PPP2R5D: variants seen among roughly 807,000 people sequenced by gnomAD.
The protein encoded by PPP2R5D is protein phosphatase 2 regulatory subunit B'delta, also known as serine/threonine-protein phosphatase 2A 56 kDa regulatory subunit delta isoform.
PPP2R5D carries 12 observed loss-of-function variants against 79.1 expected under a neutral mutation model. The ratio of observed to expected loss-of-function variants is 0.15; its 90% confidence interval spans 0.10 to 0.25. The LOEUF is 0.25. PPP2R5D is among the 10% of genes least tolerant of loss of function. The pLI is 1.00. For synonymous variants in PPP2R5D, 277 were observed against 286.6 expected (o/e 0.97, Z 0.34); for missense variants, 419 against 760.2 (o/e 0.55, Z 5.28).
rs572491604 is a variant in PPP2R5D at position 43,010,382 on chromosome 6, G to A, written c.1380-86G>A. 1.0e-5 allele frequency: 11 copies of A among 1,051,412 alleles called. No homozygotes were observed. The highest frequency in any genetic ancestry group is 2.0e-4 in the Middle Eastern group (1 of 4,968). The allele number at this position is 1,051,412 out of a possible 1,614,324, so 65.1% of individuals were successfully genotyped here. ...AGTAAATGACAAAGCTCTTAGCAGAGATACCCCTGTGAGAGAACAAATTGG... is the reference window on the plus strand; with the variant it reads ...AGTAAATGACAAAGCTCTTAGCAGAAATACCCCTGTGAGAGAACAAATTGG... On this transcript the variant is annotated intron_variant, in intron 12 of 15. Transcript: ENST00000485511. This position sits in a 1 kb window ranked among gnomAD's most constrained non-coding sequence, Gnocchi z 4.7.
chr6:43,006,390 T>C lies in PPP2R5D; in HGVS notation c.106-73T>C, dbSNP rs1762079621. Reference sequence around the variant, plus strand: ...CAGGCCTGTGCAGGCATAAACAGACTTGGGGATGGCCAGGCCCAGGGTGGG... The same window carrying C: ...CAGGCCTGTGCAGGCATAAACAGACCTGGGGATGGCCAGGCCCAGGGTGGG... On this transcript the variant is annotated intron_variant, in intron 2 of 15. Transcript: ENST00000485511. This position sits in a 1 kb window ranked among gnomAD's most constrained non-coding sequence, Gnocchi z 4.7. The C allele has an allele frequency of 1.9e-6, 3 of 1,551,344 alleles. No homozygotes were observed. Among genetic ancestry groups the C allele is most frequent in the East Asian group, 2.4e-5 (1 of 42,474 alleles).
chr6:43,007,634 T>A lies in PPP2R5D; in HGVS notation c.726+128T>A. The A allele has an allele frequency of 1.0e-6, 1 of 991,468 alleles. No individual in the cohort carries two copies. The highest frequency in any genetic ancestry group is 1.5e-6 in the Non-Finnish European group (1 of 657,826). 61.4% of individuals were successfully genotyped at this position (991,468 alleles called of 1,614,324 possible). On this transcript the variant is annotated intron_variant, in intron 6 of 15. Transcript: ENST00000485511. This position sits in a 1 kb window ranked among gnomAD's most constrained non-coding sequence, Gnocchi z 4.5. ...ATCCATGTCTGGTACGAGGAGGCTA[T>A]AAAGGGTAAAAAACAAAACAAAACA... is the stretch of plus-strand genomic sequence containing the variant.
intron 2 of PPP2R5D, among the ~76,000 whole-genome samples, chr6:42,994,040 C>T (rs933580512): frequency 6.6e-6 from 1 of 152,204 alleles, no homozygotes; most frequent in African/African-American, 2.4e-5. Context: ...GGCACAGTGG[C>T]TCACGCCTGT....
chr6:43,010,688 G>C lies in PPP2R5D; in HGVS notation c.1506G>C (p.Arg502Ser). 6.2e-7 allele frequency: 1 copy of C among 1,614,032 alleles called. No individual in the cohort carries two copies. The highest frequency in any genetic ancestry group is 8.5e-7 in the Non-Finnish European group (1 of 1,179,918). Residue 502 changes from arginine to serine, a missense_variant, in exon 14 of 16, where the codon AGG becomes AGC. By Grantham distance (110) the Arg-to-Ser change is moderately radical (BLOSUM62 -1). This residue lies in a region of PPP2R5D where 196 missense variants were observed against 424.5 expected (regional missense o/e 0.46). Coordinates refer to ENST00000485511, the MANE Select transcript of PPP2R5D (RefSeq NM_006245.4). The surrounding 1 kb of genome is among the most constrained non-coding windows in gnomAD (Gnocchi z 4.7). ...GGGGCCGGTTCCGAATGAAGGAAAGGGAAGAGATGTGGCAAAAAATCGAGG... is the reference window on the plus strand; with the variant it reads ...GGGGCCGGTTCCGAATGAAGGAAAGCGAAGAGATGTGGCAAAAAATCGAGG... ...KQKGRFRMKE[R>S]EEMWQKIEEL...
intron 1 of PPP2R5D, among the ~76,000 whole-genome samples, chr6:42,987,147 TTAG>T (rs1561837089): frequency 6.6e-6 from 1 of 152,202 alleles, no homozygotes; most frequent in Non-Finnish European, 1.5e-5. Flanking sequence ...TGCAGAACAC[TTAG>T]TAGGCCACTT....
chr6:43,009,562 T>C lies in PPP2R5D; in HGVS notation c.1379+113T>C. 1 of 1,433,824 alleles carries C rather than the reference T, an allele frequency of 7.0e-7. No homozygotes were observed. Among genetic ancestry groups the C allele is most frequent in the Non-Finnish European group, 9.6e-7 (1 of 1,041,642 alleles). 88.8% of individuals were successfully genotyped at this position (1,433,824 alleles called of 1,614,324 possible). ...CTAGTCACCCAGCAAGTGGGGCTGA[T>C]GTCCCCTGCATGTTGATAGGACCTT... On this transcript the variant is annotated intron_variant, in intron 12 of 15. Coordinates refer to ENST00000485511, the MANE Select transcript of PPP2R5D (RefSeq NM_006245.4). The surrounding 1 kb of genome is among the most constrained non-coding windows in gnomAD (Gnocchi z 5.6).
chr6:42,993,258 T>C (rs1334246009), intron 2 of PPP2R5D, among the ~76,000 whole-genome samples: 2 of 151,132 alleles, frequency 1.3e-5, no homozygotes, highest in East Asian at 1.9e-4. Context: ...TATTGCACCA[T>C]TGCAACCCAG....
chr6:43,012,240 C>T lies in PPP2R5D; in HGVS notation c.*954C>T. On this transcript the variant is annotated 3_prime_UTR_variant, in exon 16 of 16. Coordinates refer to ENST00000485511, the MANE Select transcript of PPP2R5D (RefSeq NM_006245.4). ...AGGCAGTGCGGCTTTTGGCTGTGTA[C>T]ATAGGGTGCTTTATTCTCCACAGAG... 1 of 1,263,474 alleles carries T rather than the reference C, an allele frequency of 7.9e-7. No individual in the cohort carries two copies. The highest frequency in any genetic ancestry group is 1.0e-6 in the Non-Finnish European group (1 of 1,002,902). The allele number at this position is 1,263,474 out of a possible 1,614,324, so 78.3% of individuals were successfully genotyped here. A position where few individuals can be genotyped will look rare whatever the true frequency, so the allele number is the denominator to read the frequency against.
rs1762246059 is a variant in PPP2R5D at position 43,009,473 on chromosome 6, G to A, written c.1379+24G>A. 1 of 1,613,694 alleles carries A rather than the reference G, an allele frequency of 6.2e-7. No individual in the cohort carries two copies. The highest frequency in any genetic ancestry group is 1.3e-5 in the African/African-American group (1 of 74,890). On this transcript the variant is annotated intron_variant, in intron 12 of 15. Transcript: ENST00000485511. The surrounding 1 kb of genome is among the most constrained non-coding windows in gnomAD (Gnocchi z 5.6). Reference sequence around the variant, plus strand: ...AAGTAAGGCGCTGGGGTGGGGCTGGGTGGTGGGGATCCAGTTTGGGAAACT... The same window carrying A: ...AAGTAAGGCGCTGGGGTGGGGCTGGATGGTGGGGATCCAGTTTGGGAAACT...
At chr6:42,996,265 C>T (rs1771677259) in intron 2 of PPP2R5D, among the ~76,000 whole-genome samples, 1 of 150,470 alleles carries the variant, frequency 6.6e-6, no homozygotes, top group African/African-American at 2.4e-5. Context: ...GAGATTGAGA[C>T]CATCCTGGCT....
At chr6:42,996,469 T>TAAAAAA (rs1232209004) in intron 2 of PPP2R5D, among the ~76,000 whole-genome samples, 1 of 99,468 alleles carries the variant, frequency 1.0e-5, no homozygotes, top group African/African-American at 4.1e-5. Context: ...GTCTCAAAAA[T>TAAAAAA]AAAAAAAAAT....
In PPP2R5D at chr6:42,984,594, G is replaced by C. The variant is rs1446503204; in HGVS notation, c.-84G>C. 2.0e-6 allele frequency: 3 copies of C among 1,500,976 alleles called. No individual in the cohort carries two copies. The African/African-American group carries it at 4.3e-5, about 22-fold the overall frequency. The allele number at this position is 1,500,976 out of a possible 1,614,324, so 93.0% of individuals were successfully genotyped here. On this transcript the variant is annotated 5_prime_UTR_variant, in exon 1 of 16. Transcript: ENST00000485511. ...CGCAGCGCGCAGGCGGTGGCGAAGAGACGCCGAGCGGGCCGAGTGCGGCCG... is the reference window on the plus strand; with the variant it reads ...CGCAGCGCGCAGGCGGTGGCGAAGACACGCCGAGCGGGCCGAGTGCGGCCG...
intron 2 of PPP2R5D, among the ~76,000 whole-genome samples, chr6:42,990,699 CTTTTTT>C (rs70990164): frequency 2.7e-4 from 14 of 51,574 alleles, no homozygotes; most frequent in African/African-American, 4.0e-4. Context: ...CAGTATTCTA[CTTTTTT>C]TTTTTTTTTT....
At chr6:43,005,118 G>C (rs1373173947) in intron 2 of PPP2R5D, among the ~76,000 whole-genome samples, 1 of 131,812 alleles carries the variant, frequency 7.6e-6, no homozygotes, top group African/African-American at 2.8e-5. Flanking sequence ...AAATGAGGTT[G>C]TTAAAAGTAT....
chr6:42,995,662 C>T (rs1771606655), intron 2 of PPP2R5D, among the ~76,000 whole-genome samples: 1 of 151,120 alleles, frequency 6.6e-6, no homozygotes, highest in African/African-American at 2.4e-5. Context: ...AAGCGATTCT[C>T]CTGCCTCAGT....
rs1189100610 is a variant in PPP2R5D, at chr6:42,998,011, T to TAATATATATATATATATA, written c.105+8323_105+8324insAATATATATATATATATA. Reference sequence around the variant, plus strand: ...TTATTTATATTTGAATATTTGGGTTTTATTTATATATATATATATATATAT... The same window carrying TAATATATATATATATATA: ...TTATTTATATTTGAATATTTGGGTTTAATATATATATATATATATATTTATATATATATATATATATAT... On this transcript the variant is annotated intron_variant, in intron 2 of 15. Coordinates refer to ENST00000485511, the MANE Select transcript of PPP2R5D (RefSeq NM_006245.4). Among the ~76,000 whole-genome samples the TAATATATATATATATATA allele has an allele frequency of 8.3e-5, 6 of 72,588 alleles. 1 individual carries two copies. Among genetic ancestry groups the TAATATATATATATATATA allele is most frequent in the African/African-American group, 3.4e-4 (4 of 11,762 alleles). The allele number at this position is 72,588 out of a possible 152,430, so 47.6% of individuals were successfully genotyped here. A position where few individuals can be genotyped will look rare whatever the true frequency, so the allele number is the denominator to read the frequency against.
At chr6:43,004,132 C>T (rs1250229183) in intron 2 of PPP2R5D, among the ~76,000 whole-genome samples, 3 of 152,152 alleles carry the variant, frequency 2.0e-5, no homozygotes, top group African/African-American at 7.2e-5. Flanking sequence ...GAGCAATTCT[C>T]TTGCCTCAGC....
At chr6:42,994,657 T>C (rs1002018754) in intron 2 of PPP2R5D, among the ~76,000 whole-genome samples, 2 of 151,754 alleles carry the variant, frequency 1.3e-5, no homozygotes, top group African/African-American at 4.8e-5. Context: ...ATACAAAAAT[T>C]AGCTGGGCAT....
rs889250251 is a variant in PPP2R5D, at chr6:42,995,126, CTT to C, written c.105+5458_105+5459del. The stretch of plus-strand genomic sequence containing the variant: ...TTGTGTCCCACCGAACTTTTTCTTT[CTT>C]TTTTTTTTTTTTTTTTTTTGGAGAT... On this transcript the variant is annotated intron_variant, in intron 2 of 15. Coordinates refer to ENST00000485511, the MANE Select transcript of PPP2R5D (RefSeq NM_006245.4). 5.5e-4 allele frequency among the ~76,000 whole-genome samples: 59 copies of C among 106,336 alleles called. 1 individual carries two copies. The highest frequency in any genetic ancestry group is 1.7e-3 in the South Asian group (5 of 2,962). 69.8% of individuals were successfully genotyped at this position (106,336 alleles called of 152,430 possible). A position where few individuals can be genotyped will look rare whatever the true frequency, so the allele number is the denominator to read the frequency against.
Sources: allele counts gnomAD v4.1 joint callset (sites outside exome capture counted in the v4.1 genomes callset), GRCh38; gene constraint gnomAD v4.1.1; regional missense constraint gnomAD v4.1.1; non-coding constraint Gnocchi (gnomAD v3.1); transcripts MANE v1.5; gene names NCBI Gene and HGNC (gene_info 2026-07-23, HGNC 2026-07-21).